RANGAP1: variants seen among roughly 807,000 people sequenced by gnomAD.
The protein encoded by RANGAP1 is Ran GTPase activating protein 1.
RANGAP1 carries 38 observed loss-of-function variants against 63.5 expected under a neutral mutation model. The observed-to-expected ratio is 0.60, with a 90% CI of 0.46 to 0.78. The LOEUF is 0.78. Among genes scored for constraint, RANGAP1 ranks in the 30% least tolerant of loss-of-function variants. The pLI, the probability that RANGAP1 is intolerant of heterozygous loss-of-function variation, is 0.00. For synonymous variants in RANGAP1, 329 were observed against 310.5 expected, an observed-to-expected ratio of 1.06 and a Z score of -0.63; for missense variants, 630 against 740.3, an observed-to-expected ratio of 0.85 and a Z score of 1.73.
At chr22:41,291,541 T>C in the RANGAP1 span, among the ~76,000 whole-genome samples, 300 of 142,958 alleles carry the variant, frequency 2.1e-3, 2 homozygotes, top group Middle Eastern at 0.015. Flanking sequence ...GAGGTTGCAG[T>C]GAGCCGAGAT....
At chr22:41,291,610 A>AAAAAAAT in the RANGAP1 span, among the ~76,000 whole-genome samples, 1 of 131,922 alleles carries the variant, frequency 7.6e-6, no homozygotes, top group African/African-American at 2.9e-5. Context: ...AAAAAAAAAA[A>AAAAAAAT]AAAATAGGCC....
intron 5 of RANGAP1, among the ~76,000 whole-genome samples, chr22:41,262,256 T>C (rs1019368273): frequency 6.6e-6 from 1 of 151,968 alleles, no homozygotes; most frequent in Non-Finnish European, 1.5e-5. Flanking sequence ...GGTTACACCA[T>C]TAGGAAAAGC....
In RANGAP1 at chr22:41,257,320, G is replaced by A. The variant is rs1230309746; in HGVS notation, c.775-496C>T. 2.6e-5 allele frequency among the ~76,000 whole-genome samples: 4 copies of A among 152,190 alleles called. No homozygotes were observed. Among genetic ancestry groups the A allele is most frequent in the African/African-American group, 7.2e-5 (3 of 41,458 alleles). On this transcript the variant is annotated intron_variant, in intron 7 of 15. Transcript: ENST00000356244. The surrounding 1 kb of genome is among the most constrained non-coding windows in gnomAD (Gnocchi z 4.0). ...ACCCTGGCAGCCAAGAAGCCACTGC[G>A]TTCAGAGCCCAGCACTGTTACCACT...
At chr22:41,251,950 C>G (rs1478353843) in intron 12 of RANGAP1, among the ~76,000 whole-genome samples, 3 of 152,184 alleles carry the variant, frequency 2.0e-5, no homozygotes, top group African/African-American at 7.2e-5. Flanking sequence ...CAAAACCTAA[C>G]AAAGCAATTG....
Position 41,258,001 on chromosome 22 carries a change from T to C in RANGAP1, c.721A>G (p.Ile241Val). ...GTGAAGGTGTTGTCATTCAGGTTGATGACCCGCAGCAGGGGGTTGACAGCG... is the reference window on the plus strand; with the variant it reads ...GTGAAGGTGTTGTCATTCAGGTTGACGACCCGCAGCAGGGGGTTGACAGCG... ...AFAVNPLLRV[I>V]NLNDNTFTEK... The change falls in exon 7 of 16, where the codon ATC becomes GTC. Residue 241 changes from isoleucine (I) to valine (V), a missense_variant. By Grantham distance (29) the Ile-to-Val change is conservative. Transcript: ENST00000356244. 6.2e-7 allele frequency: 1 copy of C among 1,613,192 alleles called. No individual in the cohort carries two copies. Among genetic ancestry groups the C allele is most frequent in the South Asian group, 1.1e-5 (1 of 90,886 alleles).
At chr22:41,294,757 GA>G in the RANGAP1 span, among the ~76,000 whole-genome samples, 2 of 137,714 alleles carry the variant, frequency 1.5e-5, no homozygotes, top group East Asian at 4.3e-4. Flanking sequence ...TCTGAGAAGT[GA>G]GGAGCCCCTC....
chr22:41,290,956 G>A (rs1279807514), upstream of RANGAP1, among the ~76,000 whole-genome samples: 1 of 152,202 alleles, frequency 6.6e-6, no homozygotes, highest in Non-Finnish European at 1.5e-5. Flanking sequence ...CCCACCTGCA[G>A]GGCAAGGCAG....
intron 2 of RANGAP1, chr22:41,277,360 G>T (rs541769907): frequency 4.0e-6 from 3 of 756,764 alleles, no homozygotes; most frequent in Admixed American, 5.6e-5. Context: ...TTACAGGCGT[G>T]AGCCACCGCG....
intron 5 of RANGAP1, among the ~76,000 whole-genome samples, chr22:41,263,015 G>C (rs192537020): frequency 9.8e-5 from 15 of 152,310 alleles, no homozygotes; most frequent in Non-Finnish European, 1.8e-4. Flanking sequence ...AGAGGCATAG[G>C]TCAGCAAGGC....
intron 2 of RANGAP1, among the ~76,000 whole-genome samples, chr22:41,276,400 G>C (rs1287038034): frequency 6.6e-6 from 1 of 152,134 alleles, no homozygotes; most frequent in Non-Finnish European, 1.5e-5. Context: ...CACTTTGGGA[G>C]GCTGAGGCCT....
In RANGAP1 at chr22:41,254,467, C is replaced by T. The variant is rs2033689541; in HGVS notation, c.1101G>A (p.Glu367=). 2.2e-6 allele frequency: 3 copies of T among 1,388,102 alleles called. No homozygotes were observed. The highest frequency in any genetic ancestry group is 1.4e-5 in the African/African-American group (1 of 69,086). The allele number at this position is 1,388,102 out of a possible 1,614,324, so 86.0% of individuals were successfully genotyped here. The change falls in exon 11 of 16, where the codon GAG becomes GAA. Residue 367 remains glutamate (E), a synonymous_variant. Transcript: ENST00000356244. ...LSDDEDEEEE[E]EGEEEEEEAE... ...CTTCCTCTTCTTCCTCTTCTCCTTC[C>T]TCCTCCTCCTCCTCGTCCTCGTCAT...
chr22:41,285,468 C>T (rs1569217821), intron 1 of RANGAP1: 1 of 979,988 alleles, frequency 1.0e-6, no homozygotes, highest in African/African-American at 1.8e-5. Flanking sequence ...GAAACATCCT[C>T]TCCCCGCTCC....
chr22:41,266,888 CTTTTT>C (rs139523), intron 4 of RANGAP1, among the ~76,000 whole-genome samples: 1 of 137,138 alleles, frequency 7.3e-6, no homozygotes, highest in African/African-American at 2.7e-5. Context: ...AATGAATTTC[CTTTTT>C]TTTTTGAGAC....
At chr22:41,292,351 T>C in the RANGAP1 span, among the ~76,000 whole-genome samples, 1 of 151,366 alleles carries the variant, frequency 6.6e-6, no homozygotes. Context: ...GGTTTCACCC[T>C]GTTGGCCAGG....
chr22:41,274,887 T>C (rs762794871), intron 2 of RANGAP1, among the ~76,000 whole-genome samples, 160 bp from the exon 3 acceptor site: 2 of 151,962 alleles, frequency 1.3e-5, no homozygotes, highest in African/African-American at 2.4e-5. Flanking sequence ...TGGTCCAGAG[T>C]ACAGAGCTAT....
In RANGAP1 at chr22:41,256,050, G is replaced by A; in HGVS notation, c.1044C>T (p.Phe348=). The part of the protein sequence containing the change: ...CEQLQEVLEG[F]NMAKVLASLS... ...GGGACGCCAGCACCTTGGCCATGTT[G>A]AAGCCCTCCAGCACCTCCTGAAGCT... Residue 348 remains phenylalanine, a synonymous_variant, in exon 10 of 16, where the codon TTC becomes TTT. Transcript: ENST00000356244. The A allele has an allele frequency of 6.2e-7, 1 of 1,613,944 alleles. No individual in the cohort carries two copies. Among genetic ancestry groups the A allele is most frequent in the Non-Finnish European group, 8.5e-7 (1 of 1,180,036 alleles).
chr22:41,294,926 A>G, the RANGAP1 span, among the ~76,000 whole-genome samples: 1 of 66,810 alleles, frequency 1.5e-5, no homozygotes, highest in Admixed American at 1.5e-4. Context: ...TCCGGGAGGG[A>G]GGTGGGGGAT....
chr22:41,246,548 C>T lies in RANGAP1; in HGVS notation c.*55G>A. 2.0e-6 allele frequency: 3 copies of T among 1,476,496 alleles called. No individual in the cohort carries two copies. The highest frequency in any genetic ancestry group is 1.8e-4 in the Middle Eastern group (1 of 5,628). 91.5% of individuals were successfully genotyped at this position (1,476,496 alleles called of 1,614,324 possible). ...TGGCGTAGGCTGCGCCTCAGTTCAT[C>T]CGAGTCCCTCCCCAGCTCACTGGTC... On this transcript the variant is annotated 3_prime_UTR_variant, in exon 16 of 16. Transcript: ENST00000356244.
In RANGAP1 at chr22:41,249,450, C is replaced by A. The variant is rs777717502; in HGVS notation, c.1574G>T (p.Ser525Ile). Residue 525 changes from serine to isoleucine, a missense_variant and splice_region_variant, in exon 15 of 16, where the codon AGT (serine) becomes ATT (isoleucine). Ser to Ile is a moderately radical substitution (Grantham distance 142). Coordinates refer to ENST00000356244, the MANE Select transcript of RANGAP1 (RefSeq NM_002883.4). Reference sequence around the variant, plus strand: ...GGCAATGGCCTTGACCTTGTCTTCACTCTGAGAGGAACACAGCGAAAAGCG... The same window carrying A: ...GGCAATGGCCTTGACCTTGTCTTCAATCTGAGAGGAACACAGCGAAAAGCG... ...RLLVHMGLLK[S>I]EDKVKAIANL... 1 of 1,614,024 alleles carries A rather than the reference C, an allele frequency of 6.2e-7. No homozygotes were observed.
Sources: allele counts gnomAD v4.1 joint callset (sites outside exome capture counted in the v4.1 genomes callset), GRCh38; gene constraint gnomAD v4.1.1; non-coding constraint Gnocchi (gnomAD v3.1); transcripts MANE v1.5; gene names NCBI Gene and HGNC (gene_info 2026-07-23, HGNC 2026-07-21).